Variants in RMND5A observed in about 807,000 individuals in gnomAD.
RMND5A encodes the protein required for meiotic nuclear division 5 homolog A, also known as E3 ubiquitin-protein transferase RMND5A.
A neutral mutation model predicts 49.7 loss-of-function variants in RMND5A; 17 were observed. The observed-to-expected ratio is 0.34, with a 90% CI of 0.23 to 0.51. The LOEUF is 0.51. Ranked by LOEUF, RMND5A falls within the 20% of genes least tolerant of loss-of-function variation. RMND5A has a pLI of 0.96. For missense variants in RMND5A, 255 were observed against 471.3 expected (o/e 0.54, Z 4.25); for synonymous variants, 156 against 167.7 (o/e 0.93, Z 0.54).
intron 3 of RMND5A, 132 bp downstream of exon 3, chr2:86,752,162 A>T: frequency 1.2e-6 from 1 of 801,386 alleles, no homozygotes; most frequent in East Asian, 2.9e-5. Context: ...ATTATCAGAG[A>T]TGACCTCATT....
At chr2:86,761,710 T>C (rs897044536) in intron 4 of RMND5A, among the ~76,000 whole-genome samples, 1 of 152,244 alleles carries the variant, frequency 6.6e-6, no homozygotes, top group African/African-American at 2.4e-5. Context: ...TGAAAACTTG[T>C]ATTCTATGAA....
rs551104238 is a variant in RMND5A, at chr2:86,762,811, C to T, written c.522-2216C>T. On this transcript the variant is annotated intron_variant, in intron 4 of 8. Coordinates refer to ENST00000283632, the MANE Select transcript of RMND5A (RefSeq NM_022780.4). ...ATCCCAGCACTTTGGGAGGCCAAGG[C>T]GGGAGGATGGCTTGAGCCCAGAAGT... 1.1e-3 allele frequency among the ~76,000 whole-genome samples: 165 copies of T among 150,140 alleles called. 2 individuals are homozygous for T. The highest frequency in any genetic ancestry group is 9.9e-3 in the Admixed American group (149 of 15,012).
At chr2:86,763,768 C>T (rs1672545132) in intron 4 of RMND5A, among the ~76,000 whole-genome samples, 2 of 151,278 alleles carry the variant, frequency 1.3e-5, no homozygotes, top group African/African-American at 4.9e-5. Context: ...AGAGTGAGAC[C>T]CCGTCTCCAA....
chr2:86,757,042 G>A (rs182577152), intron 4 of RMND5A, among the ~76,000 whole-genome samples: 136 of 152,064 alleles, frequency 8.9e-4, no homozygotes, highest in African/African-American at 3.2e-3. Flanking sequence ...GTATGGTGGC[G>A]CATGCCTGTA....
intron 6 of RMND5A, among the ~76,000 whole-genome samples, chr2:86,766,712 G>C (rs1041047125): frequency 6.6e-6 from 1 of 151,590 alleles, no homozygotes; most frequent in Non-Finnish European, 1.5e-5. Context: ...TCTTGGCCTG[G>C]TGTGGTGGCT....
intron 1 of RMND5A, among the ~76,000 whole-genome samples, chr2:86,736,403 C>G (rs1207208120): frequency 2.6e-5 from 3 of 113,770 alleles, no homozygotes; most frequent in African/African-American, 9.0e-5. Context: ...AAGTTAGTCT[C>G]AAACTCCTGG....
At chr2:86,762,421 G>T (rs976418474) in intron 4 of RMND5A, among the ~76,000 whole-genome samples, 1 of 152,000 alleles carries the variant, frequency 6.6e-6, no homozygotes, top group Non-Finnish European at 1.5e-5. Flanking sequence ...AAGGTGGGTG[G>T]ATCACCTGAG....
At chr2:86,753,879 G>A (rs1157473468) in intron 4 of RMND5A, among the ~76,000 whole-genome samples, 2 of 152,190 alleles carry the variant, frequency 1.3e-5, no homozygotes, top group Non-Finnish European at 2.9e-5. Context: ...GTGCAAGTTT[G>A]ATATTTAAGC....
intron 6 of RMND5A, among the ~76,000 whole-genome samples, chr2:86,769,700 G>A (rs948252111): frequency 2.6e-5 from 4 of 151,058 alleles, no homozygotes; most frequent in Middle Eastern, 3.4e-3. Flanking sequence ...TAACGTTTGC[G>A]TTCTTTAACT....
At chr2:86,764,926 G>A (rs1031822717) in intron 4 of RMND5A, 101 bp from the exon 5 acceptor site, 3 of 1,123,096 alleles carry the variant, frequency 2.7e-6, no homozygotes, top group Non-Finnish European at 2.5e-6. Flanking sequence ...TCCACAAGAT[G>A]GCAGACCAAG....
intron 7 of RMND5A, among the ~76,000 whole-genome samples, chr2:86,771,084 G>A (rs550985987): frequency 6.6e-6 from 1 of 152,360 alleles, no homozygotes; most frequent in South Asian, 2.1e-4. Flanking sequence ...CACAGGTGCA[G>A]TCCTGGTCCT....
intron 5 of RMND5A, chr2:86,765,513 A>G (rs920531968): frequency 1.1e-5 from 4 of 351,204 alleles, no homozygotes; most frequent in African/African-American, 6.4e-5. Context: ...CAGAGAGCCA[A>G]GGTGGCAACT....
At chr2:86,771,371 T>A in intron 7 of RMND5A, 187 bp from the exon 8 acceptor site, 1 of 487,764 alleles carries the variant, frequency 2.1e-6, no homozygotes, top group Non-Finnish European at 3.6e-6. Flanking sequence ...TTGAAAATAA[T>A]CTTGAAGGCT....
chr2:86,749,965 G>A (rs1681605264), intron 2 of RMND5A, among the ~76,000 whole-genome samples: 2 of 152,168 alleles, frequency 1.3e-5, no homozygotes, highest in Non-Finnish European at 2.9e-5. Flanking sequence ...AGTTGCTGTT[G>A]CTGGTTACTT....
At position 86,771,536 on chromosome 2, in the gene RMND5A, CTTT is replaced by C. The variant is rs56328788; in HGVS notation, c.958-8_958-6del. 1.6e-3 allele frequency: 2,306 copies of C among 1,411,188 alleles called. No homozygotes were observed. Among genetic ancestry groups the C allele is most frequent in the South Asian group, 2.9e-3 (227 of 77,400 alleles). 87.4% of individuals were successfully genotyped at this position (1,411,188 alleles called of 1,614,324 possible). On this transcript the variant is annotated intron_variant, in intron 7 of 8. Coordinates refer to ENST00000283632, the MANE Select transcript of RMND5A (RefSeq NM_022780.4). ...GTGAAATATGACTTCAGCTTTTTTACTTTTTTTTTTTTTTTTAACAGATTGAAG... is the reference window on the plus strand; with the variant it reads ...GTGAAATATGACTTCAGCTTTTTTACTTTTTTTTTTTTTAACAGATTGAAG...
chr2:86,768,016 C>A (rs1175193252), intron 6 of RMND5A, among the ~76,000 whole-genome samples: 2 of 152,178 alleles, frequency 1.3e-5, no homozygotes, highest in Non-Finnish European at 2.9e-5. Context: ...AACAGTGCCA[C>A]TCTTCTCACA....
At position 86,777,000 on chromosome 2, in the gene RMND5A, GTTC is replaced by G. The variant is rs1672781835; in HGVS notation, c.*3592_*3594del. 6.6e-6 allele frequency: 1 copy of G among 152,128 alleles called. No individual in the cohort carries two copies. Among genetic ancestry groups the G allele is most frequent in the South Asian group, 2.1e-4 (1 of 4,830 alleles). The allele number at this position is 152,128 out of a possible 1,614,324, so 9.4% of individuals were successfully genotyped here. On this transcript the variant is annotated 3_prime_UTR_variant, in exon 9 of 9. Transcript: ENST00000283632. ...TAAGCAGGTACAAGCTTCATGAACC[GTTC>G]TTAATGAACTATAATTGAATAGATA...
chr2:86,749,001 G>A (rs1681587332), intron 2 of RMND5A, among the ~76,000 whole-genome samples: 1 of 152,186 alleles, frequency 6.6e-6, no homozygotes, highest in Non-Finnish European at 1.5e-5. Context: ...TAGACATTTA[G>A]AGAGTTATGG....
At chr2:86,721,273 C>G (rs1681213711) in intron 1 of RMND5A, among the ~76,000 whole-genome samples, 1 of 151,916 alleles carries the variant, frequency 6.6e-6, no homozygotes, top group Admixed American at 6.6e-5. Flanking sequence ...TCTGTGCCGC[C>G]CCGAATCCTT....
Sources: gnomAD v4.1 joint callset for allele counts (sites outside exome capture counted in the v4.1 genomes callset) on GRCh38, gnomAD v4.1.1 for gene constraint, MANE v1.5 for transcripts, NCBI Gene and HGNC (gene_info 2026-07-23, HGNC 2026-07-21) for gene names.